NEB: variants seen among roughly 807,000 people sequenced by gnomAD.
NEB encodes the protein nemaline myopathy type 2.
NEB carries 512 observed loss-of-function variants against 952.2 expected under a neutral mutation model. The ratio of observed to expected loss-of-function variants is 0.54; its 90% CI spans 0.50 to 0.58. The LOEUF (loss-of-function observed/expected upper bound fraction) is 0.58, where lower values mean the gene tolerates loss of function less well. Among genes scored for constraint, NEB ranks in the 20% least tolerant of loss-of-function variants. The pLI is 0.00. For missense variants in NEB, 8,428 were observed against 9,231.1 expected, an observed-to-expected ratio of 0.91 and a Z score of 3.56; for synonymous variants, 2,900 against 3,149.8, an observed-to-expected ratio of 0.92 and a Z score of 2.66.
chr2:151,603,500 T>TC (rs2097564413), intron 86 of NEB, 69 bp downstream of exon 86: 4 of 1,402,556 alleles, frequency 2.9e-6, no homozygotes, highest in Non-Finnish European at 3.9e-6. Context: ...AGTCTAAAGT[T>TC]CACGTTTAAA....
chr2:151,634,072 A>T, intron 64 of NEB, 107 bp from the exon 65 acceptor site: 1 of 1,273,672 alleles, frequency 7.9e-7, no homozygotes, highest in Non-Finnish European at 1.1e-6. Flanking sequence ...TTTTGTTAAC[A>T]AGTACTAACT....
In NEB at chr2:151,491,760, C is replaced by T. The variant is rs796797375; in HGVS notation, c.25073G>A (p.Arg8358His). ...QETITGLRVW[R>H]TNPGSVFDYD... ...GTCAAAAACCGAACCAGGATTAGTA[C>T]GCCAGACACGTAAACCTGAAAGGGA... The change falls in exon 179 of 182, where the codon CGT becomes CAT. Residue 8358 changes from arginine (R) to histidine (H), a missense_variant. Arg to His is a conservative substitution (Grantham distance 29, BLOSUM62 0). Coordinates refer to ENST00000397345, the MANE Select transcript of NEB (RefSeq NM_001164508.2). 1.4e-5 allele frequency: 23 copies of T among 1,589,138 alleles called. No homozygotes were observed. The highest frequency in any genetic ancestry group is 8.8e-5 in the Admixed American group (5 of 56,508).
Position 151,531,300 on chromosome 2 carries a change from T to TTTTC in NEB, c.21523-203_21523-200dup, listed in dbSNP as rs1363405082. 1.4e-3 allele frequency among the ~76,000 whole-genome samples: 202 copies of TTTTC among 147,202 alleles called. 6 individuals carry two copies. In the East Asian group the frequency reaches 0.027, roughly 20 times the overall value. On this transcript the variant is annotated intron_variant, in intron 144 of 181. Coordinates refer to ENST00000397345, the MANE Select transcript of NEB (RefSeq NM_001164508.2). ...CAGTTTGGTCACAACAACTCTCTTT[T>TTTTC]TTTCTTTCTTTTTTTTTTTTTTTTT...
intron 165 of NEB, 50 bp downstream of exon 165, chr2:151,505,428 A>G (rs1249461376): frequency 6.8e-7 from 1 of 1,464,358 alleles, no homozygotes; most frequent in Non-Finnish European, 9.6e-7. Context: ...CAGGGTAGCA[A>G]TTGAGAGATG....
chr2:151,669,116 C>T lies in NEB; in HGVS notation c.4522G>A (p.Glu1508Lys). Reference sequence around the variant, plus strand: ...TACTTGTGCTTCAGTTTCTCTCCCTCTACCTTGTAGTTCAACTAAAAACAA... The same window carrying T: ...TACTTGTGCTTCAGTTTCTCTCCCTTTACCTTGTAGTTCAACTAAAAACAA... ...KQLSDLNYKV[E>K]GEKLKHKYTI... Residue 1508 changes from glutamate to lysine, a missense_variant, in exon 39 of 182, where the codon GAG (glutamate) becomes AAG (lysine). Glu to Lys is a moderately conservative substitution (Grantham distance 56). Coordinates refer to ENST00000397345, the MANE Select transcript of NEB (RefSeq NM_001164508.2). The T allele has an allele frequency of 1.9e-6, 3 of 1,580,044 alleles. No homozygotes were observed. The highest frequency in any genetic ancestry group is 2.6e-6 in the Non-Finnish European group (3 of 1,160,680).
chr2:151,549,517 T>A, intron 130 of NEB, 119 bp downstream of exon 130: 1 of 726,290 alleles, frequency 1.4e-6, no homozygotes, highest in Non-Finnish European at 2.5e-6. Context: ...CCAGCTCCCA[T>A]CATTCTATCA....
At chr2:151,551,602 G>T in intron 129 of NEB, 136 bp downstream of exon 129, 3 of 677,412 alleles carry the variant, frequency 4.4e-6, no homozygotes, top group Non-Finnish European at 5.1e-6. Context: ...TATGCTCTGT[G>T]TTTTTGTTTT....
chr2:151,687,306 G>A, intron 27 of NEB, 113 bp downstream of exon 27: 1 of 876,412 alleles, frequency 1.1e-6, no homozygotes, highest in African/African-American at 1.7e-5. Flanking sequence ...GTACTTTTGT[G>A]AATGTGATGT....
intron 38 of NEB, 115 bp downstream of exon 38, chr2:151,670,908 C>T: frequency 9.2e-7 from 1 of 1,083,380 alleles, no homozygotes; most frequent in Middle Eastern, 2.2e-4. Flanking sequence ...CCTATGAAAG[C>T]AGTTTATTTG....
intron 107 of NEB, among the ~76,000 whole-genome samples, chr2:151,570,939 G>A (rs2096607449): frequency 6.6e-6 from 1 of 152,142 alleles, no homozygotes; most frequent in South Asian, 2.1e-4. Flanking sequence ...ATAGTCACAT[G>A]AGGATAACTG....
At chr2:151,502,110 A>AACTC (rs1195424111) in intron 167 of NEB, among the ~76,000 whole-genome samples, 1 of 152,214 alleles carries the variant, frequency 6.6e-6, no homozygotes, top group African/African-American at 2.4e-5. Context: ...TAAGTGAAGT[A>AACTC]ACTCAGGAAT....
Position 151,697,140 on chromosome 2 carries a change from A to G in NEB, c.1470+8T>C. ...CAGTCACATTCAAAGTTCAGACTAC[A>G]GACTTACGTCTTTACACTGATCTAG... On this transcript the variant is annotated splice_region_variant and intron_variant, in intron 16 of 181. Coordinates refer to ENST00000397345, the MANE Select transcript of NEB (RefSeq NM_001164508.2). The G allele has an allele frequency of 6.2e-7, 1 of 1,603,666 alleles. No homozygotes were observed. The highest frequency in any genetic ancestry group is 8.5e-7 in the Non-Finnish European group (1 of 1,172,658).
At chr2:151,551,872 A>G in intron 128 of NEB, 27 bp from the exon 129 acceptor site, 1 of 1,539,038 alleles carries the variant, frequency 6.5e-7, no homozygotes, top group South Asian at 1.2e-5. Flanking sequence ...CATTGTTAGA[A>G]GCAAAGAGAA....
Position 151,538,156 on chromosome 2 carries a change from G to A in NEB, c.20981C>T (p.Thr6994Ile). ...GGGACATACTTTACTGATGTCATCTGTGACTTTGCGATGATAGACAATGTC... is the reference window on the plus strand; with the variant it reads ...GGGACATACTTTACTGATGTCATCTATGACTTTGCGATGATAGACAATGTC... ...ALDIVYHRKV[T>I]DDISKIKYKE... Residue 6994 changes from threonine to isoleucine, a missense_variant, in exon 139 of 182, where the codon ACA (threonine) becomes ATA (isoleucine). Physicochemically the swap from Thr to Ile is moderately conservative, Grantham distance 89. This residue lies in a region of NEB where 3,374 missense variants were observed against 3,651.5 expected (regional missense o/e 0.92). Coordinates refer to ENST00000397345, the MANE Select transcript of NEB (RefSeq NM_001164508.2). 6.2e-7 allele frequency: 1 copy of A among 1,609,146 alleles called. No homozygotes were observed. The highest frequency in any genetic ancestry group is 1.1e-5 in the South Asian group (1 of 90,836).
At chr2:151,568,558 GA>G in intron 111 of NEB, 59 bp downstream of exon 111, 2 of 1,470,706 alleles carry the variant, frequency 1.4e-6, no homozygotes, top group Non-Finnish European at 1.9e-6. Context: ...TAAGTAGATG[GA>G]AAAGCTTTGG....
At chr2:151,678,232 G>A in intron 32 of NEB, 45 bp from the exon 33 acceptor site, 1 of 1,283,746 alleles carries the variant, frequency 7.8e-7, no homozygotes, top group East Asian at 2.4e-5. Context: ...TAGTTTTGAG[G>A]GCTTTACTAA....
At chr2:151,554,906 T>TTAA in intron 125 of NEB, 25 bp downstream of exon 125, 1 of 1,473,726 alleles carries the variant, frequency 6.8e-7, no homozygotes, top group South Asian at 1.1e-5. Flanking sequence ...ATCCTAGTCA[T>TTAA]TAAGGGGCGC....
At chr2:151,540,531 G>A in intron 137 of NEB, 83 bp from the exon 138 acceptor site, 1 of 1,169,024 alleles carries the variant, frequency 8.6e-7, no homozygotes, top group Non-Finnish European at 1.2e-6. Context: ...CTTGTGGAGG[G>A]GCACAATGTG....
chr2:151,692,577 C>T, intron 20 of NEB: 1 of 578,346 alleles, frequency 1.7e-6, no homozygotes. Context: ...GTTTATGTTA[C>T]TTTTCCTAAT....
Sources: allele counts gnomAD v4.1 joint callset (sites outside exome capture counted in the v4.1 genomes callset), GRCh38; gene constraint gnomAD v4.1.1; regional missense constraint gnomAD v4.1.1; transcripts MANE v1.5; gene names NCBI Gene and HGNC (gene_info 2026-07-23, HGNC 2026-07-21).